The following TMEM17 variants were observed in gnomAD, a reference collection of about 807,000 sequenced individuals.
TMEM17 encodes the protein transmembrane protein 17.
In TMEM17, 15 loss-of-function variants were observed where a neutral mutation model predicts 19.1. The ratio of observed to expected loss-of-function variants is 0.78; its 90% CI spans 0.52 to 1.21. The LOEUF (loss-of-function observed/expected upper bound fraction) is 1.21, where lower values mean the gene tolerates loss of function less well. Ranked by LOEUF, TMEM17 falls within the 50% of genes most tolerant of loss-of-function variation. The pLI is 0.00. For missense variants in TMEM17, 245 were observed against 242.3 expected (o/e 1.01, Z -0.07); for synonymous variants, 103 against 86.9 (o/e 1.19, Z -1.03).
chr2:62,498,585 G>A (rs1344293466), downstream of TMEM17, among the ~76,000 whole-genome samples: 3 of 144,658 alleles, frequency 2.1e-5, no homozygotes, highest in African/African-American at 5.1e-5. Context: ...GCGTGGTGGC[G>A]GGCGCCTGTA....
chr2:62,494,313 G>A, the TMEM17 span, among the ~76,000 whole-genome samples: 1 of 152,080 alleles, frequency 6.6e-6, no homozygotes, highest in Non-Finnish European at 1.5e-5. Context: ...TTTAGCAAGG[G>A]CTTATTGACC....
chr2:62,475,773 T>C, the TMEM17 span, among the ~76,000 whole-genome samples: 1 of 152,190 alleles, frequency 6.6e-6, no homozygotes, highest in African/African-American at 2.4e-5. Flanking sequence ...TTGTCTGTTT[T>C]TTGAGGGACA....
chr2:62,455,660 G>A, the TMEM17 span, among the ~76,000 whole-genome samples: 28 of 152,238 alleles, frequency 1.8e-4, no homozygotes, highest in East Asian at 1.7e-3. Flanking sequence ...CCAGCTACTC[G>A]GGAGGCTGAG....
rs758026055 is a variant in TMEM17, at chr2:62,501,495, G to A, written c.319-8C>T. The A allele has an allele frequency of 3.1e-6, 5 of 1,608,138 alleles. No homozygotes were observed. Among genetic ancestry groups the A allele is most frequent in the Non-Finnish European group, 4.2e-6 (5 of 1,177,730 alleles). On this transcript the variant is annotated splice_polypyrimidine_tract_variant and splice_region_variant and intron_variant, in intron 3 of 3. Transcript: ENST00000335390. Reference sequence around the variant, plus strand: ...GCCAGCCAACTCAGGAACCTGCAATGACACATATCAAGAGTAATAAAAATC... The same window carrying A: ...GCCAGCCAACTCAGGAACCTGCAATAACACATATCAAGAGTAATAAAAATC...
chr2:62,487,256 C>T, the TMEM17 span, among the ~76,000 whole-genome samples: 15,212 of 152,224 alleles, frequency 0.1, 996 homozygotes, highest in East Asian at 0.15. Flanking sequence ...TGTTTCATGG[C>T]CTGTTCCTTC....
At chr2:62,479,682 T>C in the TMEM17 span, among the ~76,000 whole-genome samples, 1 of 152,062 alleles carries the variant, frequency 6.6e-6, no homozygotes, top group African/African-American at 2.4e-5. Context: ...GCCCAGGAGT[T>C]CGAGACCAGC....
chr2:62,478,634 T>C, the TMEM17 span, among the ~76,000 whole-genome samples: 2 of 152,234 alleles, frequency 1.3e-5, no homozygotes, highest in African/African-American at 4.8e-5. Context: ...CCACTGACCT[T>C]GGGTAAGTCT....
chr2:62,457,566 T>A, the TMEM17 span, among the ~76,000 whole-genome samples: 1 of 150,840 alleles, frequency 6.6e-6, no homozygotes, highest in Admixed American at 6.6e-5. This position sits in a 1 kb window ranked among gnomAD's most constrained non-coding sequence, Gnocchi z 4.2. Context: ...TTACCGAGCA[T>A]CTCACATTCC....
At chr2:62,497,849 A>G (rs1483056817), downstream of TMEM17, among the ~76,000 whole-genome samples, 1 of 152,228 alleles carries the variant, frequency 6.6e-6, no homozygotes, top group African/African-American at 2.4e-5. Flanking sequence ...GATGCGCTGG[A>G]AGCCAAGGGC....
chr2:62,496,655 G>A (rs916900972), downstream of TMEM17, among the ~76,000 whole-genome samples: 12 of 152,140 alleles, frequency 7.9e-5, no homozygotes, highest in African/African-American at 2.9e-4. Flanking sequence ...TTAAGATGGT[G>A]GAATTGTAGA....
chr2:62,492,918 C>T, the TMEM17 span, among the ~76,000 whole-genome samples: 1 of 152,188 alleles, frequency 6.6e-6, no homozygotes, highest in Admixed American at 6.5e-5. Context: ...GGAAGAACTG[C>T]AGCTTGAAGG....
rs1303509716 is a variant in TMEM17, at chr2:62,506,150, C to CA, written c.-22dup. ...TCCATGCCTGGGCCTCAGTATCCCT[C>CA]ACCCCCTCAGACACGGGCTAGTCTG... On this transcript the variant is annotated 5_prime_UTR_variant, in exon 1 of 4. Coordinates refer to ENST00000335390, the MANE Select transcript of TMEM17 (RefSeq NM_198276.3). The CA allele has an allele frequency of 6.3e-7, 1 of 1,590,526 alleles. No individual in the cohort carries two copies. The highest frequency in any genetic ancestry group is 1.4e-5 in the African/African-American group (1 of 73,514).
chr2:62,472,078 A>C, the TMEM17 span, among the ~76,000 whole-genome samples: 1 of 152,168 alleles, frequency 6.6e-6, no homozygotes, highest in Non-Finnish European at 1.5e-5. Flanking sequence ...GGTTGCTGAG[A>C]GTGTGGGTGG....
intron 1 of TMEM17, 43 bp downstream of exon 1, chr2:62,505,987 C>T: frequency 6.5e-7 from 1 of 1,548,708 alleles, no homozygotes; most frequent in Non-Finnish European, 8.8e-7. Flanking sequence ...CACGCCAAGC[C>T]CTCGGCAGGC....
chr2:62,502,567 A>C lies in TMEM17; in HGVS notation c.205-17T>G, dbSNP rs1679957016. 6.5e-7 allele frequency: 1 copy of C among 1,543,174 alleles called. No homozygotes were observed. Among genetic ancestry groups the C allele is most frequent in the Non-Finnish European group, 8.9e-7 (1 of 1,129,476 alleles). ...GATTGAATACTAAAAGAAAAGCCAA[A>C]ACATGTTTGTAAAATCTCATGTATA... On this transcript the variant is annotated splice_polypyrimidine_tract_variant and intron_variant, in intron 2 of 3. Transcript: ENST00000335390.
At chr2:62,490,519 T>C in the TMEM17 span, among the ~76,000 whole-genome samples, 1 of 152,096 alleles carries the variant, frequency 6.6e-6, no homozygotes, top group Non-Finnish European at 1.5e-5. Flanking sequence ...CACTTTGGCC[T>C]CCCAAAGTGC....
chr2:62,465,177 C>T, the TMEM17 span, among the ~76,000 whole-genome samples: 1 of 152,102 alleles, frequency 6.6e-6, no homozygotes, highest in African/African-American at 2.4e-5. Flanking sequence ...GTCGGTGAGG[C>T]CTACAATTAG....
the TMEM17 span, among the ~76,000 whole-genome samples, chr2:62,488,523 T>C: frequency 2.1e-3 from 314 of 150,500 alleles, no homozygotes; most frequent in Admixed American, 4.4e-3. Flanking sequence ...AGAGAACCTA[T>C]GATACTTAGG....
intron 1 of TMEM17, among the ~76,000 whole-genome samples, chr2:62,503,005 T>A (rs1296598214): frequency 1.3e-5 from 2 of 152,220 alleles, no homozygotes; most frequent in Admixed American, 1.3e-4. Flanking sequence ...TTCATATTTT[T>A]CAATTATTTT....
Sources: gnomAD v4.1 joint callset for allele counts (sites outside exome capture counted in the v4.1 genomes callset) on GRCh38, gnomAD v4.1.1 for gene constraint, Gnocchi (gnomAD v3.1) non-coding constraint, MANE v1.5 for transcripts, NCBI Gene and HGNC (gene_info 2026-07-23, HGNC 2026-07-21) for gene names.